ZBBX: variants seen among roughly 807,000 people sequenced by gnomAD.
The protein encoded by ZBBX is zinc finger B-box domain-containing protein 1.
ZBBX carries 101 observed loss-of-function variants against 108.5 expected under a neutral mutation model. The observed-to-expected ratio is 0.93, with a 90% CI of 0.79 to 1.10. The LOEUF is 1.10. ZBBX is among the 50% of genes least tolerant of loss of function. The pLI is 0.00. For synonymous variants in ZBBX, 356 were observed against 323.4 expected (o/e 1.10, Z -1.08); for missense variants, 1,009 against 941.4 (o/e 1.07, Z -0.94).
rs147850540 is a variant in ZBBX at position 167,283,662 on chromosome 3, T to C, written c.1997-1167A>G. On this transcript the variant is annotated intron_variant, in intron 19 of 21. Coordinates refer to ENST00000675490, the MANE Select transcript of ZBBX (RefSeq NM_001199201.2). Reference sequence around the variant, plus strand: ...TTTTTGGGGGGTTTTGGGAGTTTTTTTGGAGAAGGAGTCTTGCTCTGTCAC... The same window carrying C: ...TTTTTGGGGGGTTTTGGGAGTTTTTCTGGAGAAGGAGTCTTGCTCTGTCAC... Among the ~76,000 whole-genome samples the C allele has an allele frequency of 2.9e-4, 44 of 152,322 alleles. No individual in the cohort carries two copies. In the East Asian group the frequency reaches 7.3e-3, roughly 25 times the overall value.
rs143299227 is a variant in ZBBX at position 167,273,533 on chromosome 3, C to G, written c.2254+8705G>C. The stretch of plus-strand genomic sequence containing the variant: ...TCATTTCACCTCGTGTCTCTCATGA[C>G]AGGGGGAGAACTTAGTGTTCCTTGG... On this transcript the variant is annotated intron_variant, in intron 20 of 21. Transcript: ENST00000675490. Among the ~76,000 whole-genome samples the G allele has an allele frequency of 3.8e-3, 579 of 152,272 alleles. 2 individuals carry two copies. The highest frequency in any genetic ancestry group is 5.9e-3 in the Non-Finnish European group (401 of 68,036).
Position 167,292,523 on chromosome 3 carries a change from C to T in ZBBX, c.1880-3540G>A, listed in dbSNP as rs1389821470. Among the ~76,000 whole-genome samples, 3 of 152,086 alleles carry T rather than the reference C, an allele frequency of 2.0e-5. No homozygotes were observed. The South Asian group carries it at 6.2e-4, about 32-fold the overall frequency. ...CCAATGAGAACAAAGACATAATGTA[C>T]CAGAATCTCTGGGACACATTTAATG... On this transcript the variant is annotated intron_variant, in intron 18 of 21. Transcript: ENST00000675490.
intron 20 of ZBBX, among the ~76,000 whole-genome samples, chr3:167,244,503 C>T (rs1240810638): frequency 6.6e-6 from 1 of 152,176 alleles, no homozygotes; most frequent in Non-Finnish European, 1.5e-5. Flanking sequence ...TAGAATGAGT[C>T]TATTTTTCTA....
chr3:167,393,510 G>T (rs1748140184), intron 1 of ZBBX, among the ~76,000 whole-genome samples: 1 of 151,786 alleles, frequency 6.6e-6, no homozygotes, highest in Non-Finnish European at 1.5e-5. Flanking sequence ...GGGTTAAGTT[G>T]CTAGTATTTA....
At chr3:167,200,899 A>G in the ZBBX span, among the ~76,000 whole-genome samples, 4 of 152,148 alleles carry the variant, frequency 2.6e-5, no homozygotes, top group Non-Finnish European at 5.9e-5. Flanking sequence ...ATGGAGAGGT[A>G]GCTTTGGAAT....
At chr3:167,226,903 T>C in the ZBBX span, among the ~76,000 whole-genome samples, 2 of 151,718 alleles carry the variant, frequency 1.3e-5, no homozygotes, top group Admixed American at 6.6e-5. Flanking sequence ...TAACTAATAA[T>C]GTTACAGGTG....
chr3:167,328,348 G>C (rs1183058522), intron 10 of ZBBX, among the ~76,000 whole-genome samples: 1 of 152,080 alleles, frequency 6.6e-6, no homozygotes, highest in East Asian at 1.9e-4. Flanking sequence ...AAATCATGAA[G>C]ATGACAGCCT....
chr3:167,282,938 A>G (rs955484763), intron 19 of ZBBX, among the ~76,000 whole-genome samples: 6 of 152,200 alleles, frequency 3.9e-5, no homozygotes, highest in East Asian at 1.9e-4. Context: ...TAGTAAACCA[A>G]TTTTACTTGA....
chr3:167,345,816 A>G (rs1741347932), intron 9 of ZBBX, among the ~76,000 whole-genome samples: 1 of 151,896 alleles, frequency 6.6e-6, no homozygotes, highest in Non-Finnish European at 1.5e-5. Flanking sequence ...TTCAAGCTAC[A>G]CTACAAGGCT....
intron 19 of ZBBX, among the ~76,000 whole-genome samples, chr3:167,286,090 T>C (rs777120627): frequency 2.6e-5 from 4 of 152,020 alleles, no homozygotes; most frequent in Non-Finnish European, 5.9e-5. Context: ...TCTATGGAGG[T>C]AGCATCTGGA....
chr3:167,206,343 T>C, the ZBBX span, among the ~76,000 whole-genome samples: 5 of 152,080 alleles, frequency 3.3e-5, no homozygotes, highest in Admixed American at 6.6e-5. Context: ...AATATTAATA[T>C]ATACATGCAC....
downstream of ZBBX, among the ~76,000 whole-genome samples, chr3:167,235,811 C>T (rs1720211752): frequency 6.6e-6 from 1 of 151,516 alleles, no homozygotes; most frequent in African/African-American, 2.4e-5. Context: ...GCCGGTTATT[C>T]CCCAGCTAAA....
Position 167,322,223 on chromosome 3 carries a change from A to G in ZBBX, c.877T>C (p.Cys293Arg). Reference sequence around the variant, plus strand: ...ATTTTCAGATTAGTCTGTACTTCGCATTCTTCCAATGAGTCTGTAAAAATA... The same window carrying G: ...ATTTTCAGATTAGTCTGTACTTCGCGTTCTTCCAATGAGTCTGTAAAAATA... ...HAAVKDSLEE[C>R]EVQTNLKIWR... Residue 293 changes from cysteine to arginine, a missense_variant, in exon 12 of 22, where the codon TGC becomes CGC. Coordinates refer to ENST00000675490, the MANE Select transcript of ZBBX (RefSeq NM_001199201.2). 1 of 1,468,716 alleles carries G rather than the reference A, an allele frequency of 6.8e-7. No individual in the cohort carries two copies. Among genetic ancestry groups the G allele is most frequent in the South Asian group, 1.6e-5 (1 of 63,708 alleles). 91.0% of individuals were successfully genotyped at this position (1,468,716 alleles called of 1,614,324 possible).
chr3:167,310,193 T>G (rs1734340017), intron 16 of ZBBX, among the ~76,000 whole-genome samples: 1 of 152,204 alleles, frequency 6.6e-6, no homozygotes. Flanking sequence ...GTTCCTCATT[T>G]CCATCTGAAA....
downstream of ZBBX, among the ~76,000 whole-genome samples, chr3:167,238,849 C>T (rs1329932198): frequency 2.0e-5 from 3 of 152,128 alleles, no homozygotes. Flanking sequence ...AACTACTCAA[C>T]ACCAGCAAAA....
the ZBBX span, among the ~76,000 whole-genome samples, chr3:167,195,326 T>A: frequency 1.9e-4 from 29 of 152,310 alleles, no homozygotes; most frequent in East Asian, 5.4e-3. Context: ...TCAAATTTAC[T>A]CTGGCAATAA....
At chr3:167,243,618 G>C (rs546232410) in intron 20 of ZBBX, among the ~76,000 whole-genome samples, 1 of 151,982 alleles carries the variant, frequency 6.6e-6, no homozygotes, top group South Asian at 2.1e-4. Flanking sequence ...GGCTGCTCTT[G>C]AACTCCTGAC....
intron 20 of ZBBX, among the ~76,000 whole-genome samples, chr3:167,245,725 G>A (rs780662188): frequency 1.3e-5 from 2 of 152,090 alleles, no homozygotes; most frequent in African/African-American, 4.8e-5. Flanking sequence ...ATGTGAAGAT[G>A]TGCCTGCTTC....
At chr3:167,259,447 A>G (rs1425550238) in intron 20 of ZBBX, among the ~76,000 whole-genome samples, 1 of 151,616 alleles carries the variant, frequency 6.6e-6, no homozygotes, top group Non-Finnish European at 1.5e-5. Flanking sequence ...TATCTTTTGT[A>G]TTTTGTTCAT....
Sources: gnomAD v4.1 joint callset for allele counts (sites outside exome capture counted in the v4.1 genomes callset) on GRCh38, gnomAD v4.1.1 for gene constraint, MANE v1.5 for transcripts, NCBI Gene and HGNC (gene_info 2026-07-23, HGNC 2026-07-21) for gene names.